The following ABHD4 variants were observed in gnomAD, a reference collection of about 807,000 sequenced individuals.
The protein encoded by ABHD4 is (Lyso)-N-acylphosphatidylethanolamine lipase.
ABHD4 carries 35 observed loss-of-function variants against 42.3 expected under a neutral mutation model. The ratio of observed to expected loss-of-function variants is 0.83; its 90% CI spans 0.63 to 1.10. ABHD4 has a LOEUF of 1.10. ABHD4 is among the 50% of genes least tolerant of loss of function. The pLI, the probability that ABHD4 is intolerant of heterozygous loss-of-function variation, is 0.00. For missense variants in ABHD4, 389 were observed against 454.8 expected, an observed-to-expected ratio of 0.86 and a Z score of 1.32; for synonymous variants, 169 against 170.6, an observed-to-expected ratio of 0.99 and a Z score of 0.07.
intron 6 of ABHD4, among the ~76,000 whole-genome samples, chr14:22,610,612 G>C (rs1281065731): frequency 6.6e-6 from 1 of 152,220 alleles, no homozygotes; most frequent in East Asian, 1.9e-4. Flanking sequence ...TGGATTAAAT[G>C]AGCAGATCAG....
intron 4 of ABHD4, 47 bp from the exon 5 acceptor site, chr14:22,606,374 GC>G (rs1566383567): frequency 1.5e-6 from 2 of 1,327,320 alleles, no homozygotes; most frequent in African/African-American, 2.9e-5. Flanking sequence ...AGTCTTCCCT[GC>G]CCCACCTCCC....
chr14:22,611,368 C>T lies in ABHD4; in HGVS notation c.*420C>T, dbSNP rs1197832345. Reference sequence around the variant, plus strand: ...ATAGGTTCCATGCAAGAACACCTTCCTCCTCCATCCCCCACTTCACCCCAT... The same window carrying T: ...ATAGGTTCCATGCAAGAACACCTTCTTCCTCCATCCCCCACTTCACCCCAT... On this transcript the variant is annotated 3_prime_UTR_variant, in exon 7 of 7. Transcript: ENST00000428304. The T allele has an allele frequency of 5.6e-6, 1 of 179,850 alleles. No individual in the cohort carries two copies. The highest frequency in any genetic ancestry group is 2.3e-5 in the African/African-American group (1 of 42,836). The allele number at this position is 179,850 out of a possible 1,614,324, so 11.1% of individuals were successfully genotyped here.
Position 22,611,058 on chromosome 14 carries a change from C to A in ABHD4, c.*110C>A. The A allele has an allele frequency of 1.1e-6, 1 of 938,854 alleles. No homozygotes were observed. 58.2% of individuals were successfully genotyped at this position (938,854 alleles called of 1,614,324 possible). A position where few individuals can be genotyped will look rare whatever the true frequency, so the allele number is the denominator to read the frequency against. ...CACCAACTAACATGTGCCAGCCAGGCAGAGTCTTGTGCTGTTCCCAGAACA... is the reference window on the plus strand; with the variant it reads ...CACCAACTAACATGTGCCAGCCAGGAAGAGTCTTGTGCTGTTCCCAGAACA... On this transcript the variant is annotated 3_prime_UTR_variant, in exon 7 of 7. Transcript: ENST00000428304.
Position 22,603,373 on chromosome 14 carries a change from G to A in ABHD4, c.113-17G>A, listed in dbSNP as rs766696427. ...GGAAACACTTATTGACTTACCATGG[G>A]ATTCTTTCCTCCCCAGGTCTCCAGA... is the stretch of plus-strand genomic sequence containing the variant. On this transcript the variant is annotated splice_polypyrimidine_tract_variant and intron_variant, in intron 2 of 6. Transcript: ENST00000428304. 6.2e-7 allele frequency: 1 copy of A among 1,613,916 alleles called. No homozygotes were observed. The highest frequency in any genetic ancestry group is 1.7e-5 in the Admixed American group (1 of 60,008).
chr14:22,611,096 A>C lies in ABHD4; in HGVS notation c.*148A>C, dbSNP rs542405638. 2.1e-5 allele frequency: 15 copies of C among 707,284 alleles called. No homozygotes were observed. The South Asian group carries it at 2.5e-4, about 12-fold the overall frequency. The allele number at this position is 707,284 out of a possible 1,614,324, so 43.8% of individuals were successfully genotyped here. A position where few individuals can be genotyped will look rare whatever the true frequency, so the allele number is the denominator to read the frequency against. Reference sequence around the variant, plus strand: ...TGTTCCCAGAACAGGACGACAGTGAAAAGAACACTCTTGACCCTACACTGA... The same window carrying C: ...TGTTCCCAGAACAGGACGACAGTGACAAGAACACTCTTGACCCTACACTGA... On this transcript the variant is annotated 3_prime_UTR_variant, in exon 7 of 7. Transcript: ENST00000428304.
At chr14:22,601,537 G>T (rs978376000) in intron 1 of ABHD4, 130 bp from the exon 2 acceptor site, 7 of 764,902 alleles carry the variant, frequency 9.2e-6, no homozygotes, top group Non-Finnish European at 1.3e-5. Flanking sequence ...TGCCTGCCAT[G>T]GGGGGCAGGT....
At position 22,606,385 on chromosome 14, in the gene ABHD4, C is replaced by G. The variant is rs1388381017; in HGVS notation, c.641-37C>G. The G allele has an allele frequency of 2.7e-6, 4 of 1,480,000 alleles. No homozygotes were observed. The Admixed American group carries it at 7.3e-5, about 27-fold the overall frequency. 91.7% of individuals were successfully genotyped at this position (1,480,000 alleles called of 1,614,324 possible). A position where few individuals can be genotyped will look rare whatever the true frequency, so the allele number is the denominator to read the frequency against. On this transcript the variant is annotated intron_variant, in intron 4 of 6. Transcript: ENST00000428304. The stretch of plus-strand genomic sequence containing the variant: ...CAGGAGTCTTCCCTGCCCCACCTCC[C>G]AAATTGGCCTGTCTGTGTTTTTCTA...
At chr14:22,599,048 A>G (rs2037251842) in intron 1 of ABHD4, 1 of 152,406 alleles carries the variant, frequency 6.6e-6, no homozygotes, top group African/African-American at 2.4e-5. Flanking sequence ...TTGCTACGAG[A>G]AGAATGACTC....
At chr14:22,600,316 A>C in intron 1 of ABHD4, 1 of 398,958 alleles carries the variant, frequency 2.5e-6, no homozygotes, top group Admixed American at 2.8e-5. Context: ...ATGACCTTGA[A>C]AAGCTGAGGC....
intron 4 of ABHD4, 34 bp downstream of exon 4, chr14:22,604,113 C>G: frequency 6.2e-7 from 1 of 1,607,010 alleles, no homozygotes; most frequent in Non-Finnish European, 8.5e-7. Flanking sequence ...TAAAGGAAGG[C>G]TATAACGTTC....
chr14:22,605,026 T>C (rs575956395), intron 4 of ABHD4, among the ~76,000 whole-genome samples: 1 of 152,268 alleles, frequency 6.6e-6, no homozygotes, highest in South Asian at 2.1e-4. Flanking sequence ...GCCTCCAACA[T>C]AACCCACAGT....
chr14:22,602,290 C>T (rs1682124648), intron 2 of ABHD4, among the ~76,000 whole-genome samples: 1 of 152,200 alleles, frequency 6.6e-6, no homozygotes, highest in Non-Finnish European at 1.5e-5. Context: ...CCACTAGCGG[C>T]AGCAGCCACT....
chr14:22,609,971 G>A (rs1210006286), intron 6 of ABHD4, 61 bp downstream of exon 6: 3 of 1,531,588 alleles, frequency 2.0e-6, no homozygotes, highest in African/African-American at 1.4e-5. Context: ...TCTCAGCCTT[G>A]GGGTAGAGAA....
At chr14:22,606,375 C>T (rs758897381) in intron 4 of ABHD4, 47 bp from the exon 5 acceptor site, 21 of 1,333,754 alleles carry the variant, frequency 1.6e-5, no homozygotes, top group Middle Eastern at 1.8e-4. Flanking sequence ...GTCTTCCCTG[C>T]CCCACCTCCC....
chr14:22,607,980 G>A (rs1416061881), intron 5 of ABHD4, among the ~76,000 whole-genome samples: 1 of 152,122 alleles, frequency 6.6e-6, no homozygotes, highest in African/African-American at 2.4e-5. Context: ...TGACCAACAT[G>A]TTTGAGGGTA....
chr14:22,599,525 C>T (rs571432882), intron 1 of ABHD4, among the ~76,000 whole-genome samples: 1 of 152,334 alleles, frequency 6.6e-6, no homozygotes, highest in Admixed American at 6.5e-5. Flanking sequence ...CCCTTACCTC[C>T]CGCATAGTTT....
At chr14:22,604,599 C>G (rs2037327810) in intron 4 of ABHD4, among the ~76,000 whole-genome samples, 1 of 150,746 alleles carries the variant, frequency 6.6e-6, no homozygotes, top group Non-Finnish European at 1.5e-5. Flanking sequence ...AAAGCTTTTC[C>G]TATGCCAGGA....
At chr14:22,602,832 C>G (rs1409309849) in intron 2 of ABHD4, among the ~76,000 whole-genome samples, 3 of 152,154 alleles carry the variant, frequency 2.0e-5, no homozygotes, top group African/African-American at 4.8e-5. Context: ...CGGTAAAGAT[C>G]ATTCAAAACT....
intron 5 of ABHD4, among the ~76,000 whole-genome samples, chr14:22,609,109 T>C (rs1392660566): frequency 6.6e-6 from 1 of 151,906 alleles, no homozygotes; most frequent in African/African-American, 2.4e-5. Flanking sequence ...GCAATTCTCC[T>C]ACCTCAGCCT....
Sources: allele counts gnomAD v4.1 joint callset (sites outside exome capture counted in the v4.1 genomes callset), GRCh38; gene constraint gnomAD v4.1.1; transcripts MANE v1.5; gene names NCBI Gene and HGNC (gene_info 2026-07-23, HGNC 2026-07-21).